Variants in PCCA observed in about 807,000 individuals in gnomAD.
PCCA encodes propionyl-CoA carboxylase subunit alpha, also known as propionyl-CoA carboxylase alpha chain, mitochondrial.
A neutral mutation model predicts 101.3 loss-of-function variants in PCCA; 74 were observed. The ratio of observed to expected loss-of-function variants is 0.73; its 90% CI spans 0.61 to 0.89. PCCA has a LOEUF of 0.89. Ranked by LOEUF, PCCA falls within the 40% of genes least tolerant of loss-of-function variation. The pLI, the probability that PCCA is intolerant of heterozygous loss-of-function variation, is 0.00. For missense variants in PCCA, 891 were observed against 907.0 expected, an observed-to-expected ratio of 0.98 and a Z score of 0.23; for synonymous variants, 294 against 313.6, an observed-to-expected ratio of 0.94 and a Z score of 0.66.
intron 4 of PCCA, among the ~76,000 whole-genome samples, chr13:100,133,045 C>T (rs2050712829): frequency 6.6e-6 from 1 of 152,136 alleles, no homozygotes; most frequent in Admixed American, 6.5e-5. Flanking sequence ...TCCCAAACTG[C>T]TAGGATTATA....
intron 22 of PCCA, among the ~76,000 whole-genome samples, chr13:100,520,495 C>CTT (rs2087159272): frequency 4.6e-5 from 7 of 151,748 alleles, no homozygotes; most frequent in South Asian, 4.2e-4. Context: ...ATTAGCCGGG[C>CTT]GCAGTGGCGG....
At chr13:100,508,340 T>TC (rs2086235627) in intron 21 of PCCA, among the ~76,000 whole-genome samples, 1 of 152,206 alleles carries the variant, frequency 6.6e-6, no homozygotes, top group African/African-American at 2.4e-5. Context: ...TGTTAATTTT[T>TC]CCCTCGAAAA....
chr13:100,497,242 T>A lies in PCCA; in HGVS notation c.1900-18185T>A, dbSNP rs76593039. ...TCCTTCTCTTAGAAAATAAAAATCATCTTTGCAAAAAATTGTCACTTCTTT... is the reference window on the plus strand; with the variant it reads ...TCCTTCTCTTAGAAAATAAAAATCAACTTTGCAAAAAATTGTCACTTCTTT... On this transcript the variant is annotated intron_variant, in intron 21 of 23. Coordinates refer to ENST00000376285, the MANE Select transcript of PCCA (RefSeq NM_000282.4). 4.4e-3 allele frequency among the ~76,000 whole-genome samples: 668 copies of A among 152,292 alleles called. 34 individuals carry two copies. In the East Asian group the frequency reaches 0.099, roughly 23 times the overall value.
intron 7 of PCCA, among the ~76,000 whole-genome samples, chr13:100,230,955 C>T (rs1386860595): frequency 6.6e-6 from 1 of 152,178 alleles, no homozygotes; most frequent in African/African-American, 2.4e-5. Context: ...AGTTCAGTTT[C>T]TCTCATGTGG....
intron 21 of PCCA, among the ~76,000 whole-genome samples, chr13:100,505,046 G>A (rs151034836): frequency 6.6e-6 from 1 of 152,334 alleles, no homozygotes; most frequent in Non-Finnish European, 1.5e-5. Context: ...GCTTGTAAGT[G>A]GAACAGTATT....
At chr13:100,288,168 A>G (rs1193902898) in intron 12 of PCCA, among the ~76,000 whole-genome samples, 1 of 152,184 alleles carries the variant, frequency 6.6e-6, no homozygotes. Flanking sequence ...TTTATAGAAA[A>G]TCTAAGTACA....
intron 7 of PCCA, among the ~76,000 whole-genome samples, chr13:100,218,906 G>C (rs1475721896): frequency 6.6e-6 from 1 of 152,172 alleles, no homozygotes; most frequent in African/African-American, 2.4e-5. Flanking sequence ...TGAATGGTGG[G>C]CAGATTCTAA....
chr13:100,354,432 T>C (rs1469060695), intron 18 of PCCA, among the ~76,000 whole-genome samples: 2 of 151,330 alleles, frequency 1.3e-5, no homozygotes, highest in Non-Finnish European at 1.5e-5. Context: ...GAAGGATCAA[T>C]TACCTTATCT....
In PCCA at chr13:100,102,004, G is replaced by C. The variant is rs568131003; in HGVS notation, c.106-879G>C. Among the ~76,000 whole-genome samples the C allele has an allele frequency of 9.8e-5, 15 of 152,320 alleles. 1 individual carries two copies. The South Asian group carries it at 3.1e-3, about 32-fold the overall frequency. ...TCGTTATCATCTTAGAAAGTTCTAA[G>C]AGGTGGTACCTGTTGGTTGCCTTTT... is the stretch of plus-strand genomic sequence containing the variant. On this transcript the variant is annotated intron_variant, in intron 1 of 23. Coordinates refer to ENST00000376285, the MANE Select transcript of PCCA (RefSeq NM_000282.4).
In PCCA at chr13:100,527,875, A is replaced by AGG. The variant is rs376486383; in HGVS notation, c.2118+124_2118+125dup. On this transcript the variant is annotated intron_variant, in intron 23 of 23. Coordinates refer to ENST00000376285, the MANE Select transcript of PCCA (RefSeq NM_000282.4). ...CGCCCTCTCCCCCTCGCTTCTACAG[A>AGG]GGAGGACGTTAGGATTGGGAGCTTT... 7.6e-5 allele frequency: 59 copies of AGG among 774,254 alleles called. No homozygotes were observed. In the East Asian group the frequency reaches 1.2e-3, roughly 16 times the overall value. 48.0% of individuals were successfully genotyped at this position (774,254 alleles called of 1,614,324 possible). A position where few individuals can be genotyped will look rare whatever the true frequency, so the allele number is the denominator to read the frequency against.
intron 6 of PCCA, among the ~76,000 whole-genome samples, chr13:100,184,032 T>C (rs1005649710): frequency 3.3e-5 from 5 of 152,184 alleles, no homozygotes; most frequent in Non-Finnish European, 7.3e-5. Flanking sequence ...AGAGGTTTAA[T>C]TGGCTCACGA....
chr13:100,338,240 TG>T (rs1356056130), intron 17 of PCCA, among the ~76,000 whole-genome samples: 1 of 152,220 alleles, frequency 6.6e-6, no homozygotes, highest in Non-Finnish European at 1.5e-5. Flanking sequence ...AGAGAGCTTT[TG>T]TGATTATATA....
chr13:100,316,377 T>A (rs1378171282), intron 16 of PCCA, among the ~76,000 whole-genome samples: 1 of 152,244 alleles, frequency 6.6e-6, no homozygotes, highest in African/African-American at 2.4e-5. Flanking sequence ...ATGCTTCATT[T>A]ACGTGCTTGA....
chr13:100,451,548 A>G (rs1473106139), intron 21 of PCCA, among the ~76,000 whole-genome samples: 1 of 152,096 alleles, frequency 6.6e-6, no homozygotes, highest in Non-Finnish European at 1.5e-5. Context: ...TCTGCTACTT[A>G]GCATCTCTAC....
chr13:100,322,750 A>G (rs2068205239), intron 16 of PCCA, among the ~76,000 whole-genome samples: 1 of 151,586 alleles, frequency 6.6e-6, no homozygotes, highest in South Asian at 2.1e-4. Flanking sequence ...TTCTGTTTTT[A>G]TTTTTTGTAG....
At chr13:100,437,648 A>G (rs906598607) in intron 20 of PCCA, among the ~76,000 whole-genome samples, 3 of 152,034 alleles carry the variant, frequency 2.0e-5, no homozygotes, top group Non-Finnish European at 4.4e-5. Flanking sequence ...CATATTTAAA[A>G]TTTCTTTGTT....
At chr13:100,469,069 G>T (rs2082758084) in intron 21 of PCCA, among the ~76,000 whole-genome samples, 1 of 151,828 alleles carries the variant, frequency 6.6e-6, no homozygotes, top group Non-Finnish European at 1.5e-5. Context: ...AAACTAGCCG[G>T]ACGTGGTGGC....
chr13:100,193,772 C>T (rs1382976309), intron 6 of PCCA, among the ~76,000 whole-genome samples: 1 of 152,104 alleles, frequency 6.6e-6, no homozygotes, highest in Non-Finnish European at 1.5e-5. Context: ...AGGAATTGTG[C>T]TCAAGGTAAT....
intron 4 of PCCA, among the ~76,000 whole-genome samples, chr13:100,141,039 G>C (rs1451572988): frequency 6.6e-6 from 1 of 152,142 alleles, no homozygotes; most frequent in Non-Finnish European, 1.5e-5. Context: ...TATATAGTAA[G>C]CTGCTATTAA....
Sources: allele counts gnomAD v4.1 joint callset (sites outside exome capture counted in the v4.1 genomes callset), GRCh38; gene constraint gnomAD v4.1.1; transcripts MANE v1.5; gene names NCBI Gene and HGNC (gene_info 2026-07-23, HGNC 2026-07-21).